Variants in TRPS1 observed in about 807,000 individuals in gnomAD.
TRPS1 encodes zinc finger transcription factor Trps1.
A neutral mutation model predicts 101.2 loss-of-function variants in TRPS1; 6 were observed. The observed-to-expected ratio is 0.06, with a 90% confidence interval of 0.03 to 0.12. TRPS1 has a LOEUF of 0.12. Ranked by LOEUF, TRPS1 falls within the 10% of genes least tolerant of loss-of-function variation. TRPS1 has a pLI of 1.00. For synonymous variants in TRPS1, 578 were observed against 589.8 expected, an observed-to-expected ratio of 0.98 and a Z score of 0.29; for missense variants, 1,363 against 1,567.0, an observed-to-expected ratio of 0.87 and a Z score of 2.20.
chr8:115,459,395 G>T (rs16887472), intron 5 of TRPS1, among the ~76,000 whole-genome samples: 5,393 of 152,088 alleles, frequency 0.035, 359 homozygotes, highest in African/African-American at 0.12. Flanking sequence ...AAGACAGCTT[G>T]CAGTGCACTA....
chr8:115,598,150 T>C (rs943351569), intron 4 of TRPS1, among the ~76,000 whole-genome samples: 2 of 152,228 alleles, frequency 1.3e-5, no homozygotes, highest in Non-Finnish European at 2.9e-5. Context: ...TATTTCATCA[T>C]TCCATTTTTT....
At chr8:115,541,720 T>C (rs1816458481) in intron 5 of TRPS1, among the ~76,000 whole-genome samples, 1 of 152,202 alleles carries the variant, frequency 6.6e-6, no homozygotes, top group Admixed American at 6.5e-5. Flanking sequence ...TCATCCTTAA[T>C]ATAGTTTATG....
At chr8:115,440,983 C>T (rs3824196) in intron 5 of TRPS1, among the ~76,000 whole-genome samples, 43,038 of 151,804 alleles carry the variant, frequency 0.28, 6,225 homozygotes, top group Middle Eastern at 0.43. Flanking sequence ...TTTTGCTTTG[C>T]TAAAAAAAAA....
At chr8:115,426,590 C>T (rs1322487235) in intron 5 of TRPS1, among the ~76,000 whole-genome samples, 2 of 152,116 alleles carry the variant, frequency 1.3e-5, no homozygotes, top group African/African-American at 4.8e-5. Context: ...TGTTGCCACC[C>T]TCGAGGCAGC....
intron 5 of TRPS1, among the ~76,000 whole-genome samples, chr8:115,505,098 T>C (rs1815409875): frequency 6.6e-6 from 1 of 152,106 alleles, no homozygotes; most frequent in Non-Finnish European, 1.5e-5. Context: ...TTCCAAGACA[T>C]CTGTAGAATT....
At chr8:115,621,477 G>A (rs984193852) in intron 2 of TRPS1, among the ~76,000 whole-genome samples, 3 of 152,176 alleles carry the variant, frequency 2.0e-5, no homozygotes, top group African/African-American at 4.8e-5. Flanking sequence ...ATAGACAAGT[G>A]TACCTTTGCT....
intron 5 of TRPS1, among the ~76,000 whole-genome samples, chr8:115,468,120 A>C (rs1030620471): frequency 6.6e-6 from 1 of 152,210 alleles, no homozygotes; most frequent in Non-Finnish European, 1.5e-5. Flanking sequence ...ATAGCATAGT[A>C]ATGTATGTAA....
intron 5 of TRPS1, among the ~76,000 whole-genome samples, chr8:115,566,301 T>C (rs578249769): frequency 1.1e-3 from 175 of 152,238 alleles, no homozygotes; most frequent in Non-Finnish European, 1.8e-3. Flanking sequence ...GTGGTCAGAA[T>C]TGTGGACAGA....
At chr8:115,499,321 T>C (rs1250407380) in intron 5 of TRPS1, among the ~76,000 whole-genome samples, 2 of 152,222 alleles carry the variant, frequency 1.3e-5, no homozygotes, top group African/African-American at 4.8e-5. Flanking sequence ...AATCAAAATA[T>C]TGTGCTTCTT....
intron 5 of TRPS1, among the ~76,000 whole-genome samples, chr8:115,490,748 T>G (rs919234944): frequency 6.6e-6 from 1 of 152,160 alleles, no homozygotes; most frequent in South Asian, 2.1e-4. Flanking sequence ...ATTATCTTCT[T>G]AAGAATCTTA....
chr8:115,652,533 T>C (rs1811583518), intron 1 of TRPS1, among the ~76,000 whole-genome samples: 2 of 152,204 alleles, frequency 1.3e-5, no homozygotes, highest in Non-Finnish European at 2.9e-5. Flanking sequence ...AAATAAAAAG[T>C]AGCCATTTGT....
chr8:115,554,144 T>C (rs1816764724), intron 5 of TRPS1, among the ~76,000 whole-genome samples: 1 of 152,196 alleles, frequency 6.6e-6, no homozygotes, highest in Non-Finnish European at 1.5e-5. Context: ...TTCACTAAAC[T>C]AGTTCCTCAA....
intron 5 of TRPS1, among the ~76,000 whole-genome samples, chr8:115,551,050 G>C (rs909781457): frequency 6.6e-6 from 1 of 152,058 alleles, no homozygotes; most frequent in African/African-American, 2.4e-5. Flanking sequence ...CTGAATAAAA[G>C]GCACATGCAT....
intron 1 of TRPS1, chr8:115,668,067 G>C: frequency 3.1e-6 from 2 of 648,462 alleles, no homozygotes; most frequent in Non-Finnish European, 5.3e-6. Context: ...GGGGGCACCG[G>C]CCTGAAACTT....
chr8:115,436,110 C>T (rs536304528), intron 5 of TRPS1, among the ~76,000 whole-genome samples: 38 of 151,706 alleles, frequency 2.5e-4, no homozygotes, highest in African/African-American at 9.2e-4. Flanking sequence ...TTACTCATAA[C>T]TCTATCTTTT....
chr8:115,623,806 CAT>C, intron 1 of TRPS1, 48 bp from the exon 2 acceptor site: 1 of 1,402,190 alleles, frequency 7.1e-7, no homozygotes. Flanking sequence ...ATGATGTAAA[CAT>C]ATTTTCATGT....
intron 1 of TRPS1, among the ~76,000 whole-genome samples, chr8:115,641,696 A>G (rs1438516393): frequency 2.0e-5 from 3 of 152,216 alleles, no homozygotes; most frequent in Non-Finnish European, 4.4e-5. Flanking sequence ...CCTGGCCAAC[A>G]TGGTGAAACC....
At chr8:115,463,816 C>T (rs1298161842) in intron 5 of TRPS1, among the ~76,000 whole-genome samples, 1 of 151,754 alleles carries the variant, frequency 6.6e-6, no homozygotes, top group Non-Finnish European at 1.5e-5. Flanking sequence ...CACACCTTTC[C>T]TTAGTAGAAA....
chr8:115,645,016 T>C (rs1818992260), intron 1 of TRPS1, among the ~76,000 whole-genome samples: 1 of 151,948 alleles, frequency 6.6e-6, no homozygotes, highest in African/African-American at 2.4e-5. Flanking sequence ...TCAGATATAA[T>C]ATAATAACAA....
Sources: gnomAD v4.1 joint callset for allele counts (sites outside exome capture counted in the v4.1 genomes callset) on GRCh38, gnomAD v4.1.1 for gene constraint, MANE v1.5 for transcripts, NCBI Gene and HGNC (gene_info 2026-07-23, HGNC 2026-07-21) for gene names.